The following PCNX4 variants were observed in gnomAD, a reference collection of about 807,000 sequenced individuals.
PCNX4 encodes pecanex 4.
Under a neutral mutation model 107.2 loss-of-function variants are expected in PCNX4, and 103 were observed. That is an observed-to-expected ratio of 0.96 (90% CI 0.82 to 1.13). PCNX4 has a LOEUF of 1.13. Among genes scored for constraint, PCNX4 ranks in the 50% most tolerant of loss-of-function variants. The pLI is 0.00. For missense variants in PCNX4, 1,528 were observed against 1,379.4 expected, an observed-to-expected ratio of 1.11 and a Z score of -1.71; for synonymous variants, 541 against 481.7, an observed-to-expected ratio of 1.12 and a Z score of -1.61.
In PCNX4 at chr14:60,107,902, G is replaced by C. The variant is rs769192496; in HGVS notation, c.264G>C (p.Gln88His). ...GLMLFTAFVIQFTSLYAKNKS... is the reference protein window; with the variant it reads ...GLMLFTAFVIHFTSLYAKNKS... ...TGCTTTTTACTGCATTTGTCATCCA[G>C]TTCACAAGTTTATACGCCAAAAACA... Residue 88 changes from glutamine (Q) to histidine (H), a missense_variant, in exon 2 of 11, where the codon CAG becomes CAC. Coordinates refer to ENST00000406854, the MANE Select transcript of PCNX4 (RefSeq NM_001330177.2). 10 of 1,612,848 alleles carry C rather than the reference G, an allele frequency of 6.2e-6. No homozygotes were observed. The South Asian group carries it at 1.1e-4, about 18-fold the overall frequency.
intron 10 of PCNX4, among the ~76,000 whole-genome samples, chr14:60,128,587 T>C (rs1329888884): frequency 6.6e-6 from 1 of 152,108 alleles, no homozygotes; most frequent in Non-Finnish European, 1.5e-5. Flanking sequence ...TTACAAGAAA[T>C]ACTAGAGTTC....
chr14:60,092,922 G>A (rs1895334931), intron 1 of PCNX4, among the ~76,000 whole-genome samples: 1 of 152,158 alleles, frequency 6.6e-6, no homozygotes, highest in African/African-American at 2.4e-5. Flanking sequence ...TATCTGCTCT[G>A]TATCCATCAT....
chr14:60,121,235 A>G lies in PCNX4; in HGVS notation c.1982A>G (p.Gln661Arg), dbSNP rs150511705. Residue 661 changes from glutamine (Q) to arginine (R), a missense_variant, in exon 8 of 11, where the codon CAG (glutamine) becomes CGG (arginine). Gln to Arg is a conservative substitution (Grantham distance 43). Coordinates refer to ENST00000406854, the MANE Select transcript of PCNX4 (RefSeq NM_001330177.2). ...LPGSHYLGRF[Q>R]DRLMWIMILE... Reference sequence around the variant, plus strand: ...GGATCTCATTACTTGGGCCGTTTTCAGGATCGTTTAATGTGGATAATGATT... The same window carrying G: ...GGATCTCATTACTTGGGCCGTTTTCGGGATCGTTTAATGTGGATAATGATT... 1.1e-3 allele frequency: 1,772 copies of G among 1,596,750 alleles called. 5 individuals carry two copies. The highest frequency in any genetic ancestry group is 1.4e-3 in the Non-Finnish European group (1,592 of 1,174,442).
chr14:60,130,603 C>A (rs1242992890), intron 10 of PCNX4, among the ~76,000 whole-genome samples: 1 of 152,032 alleles, frequency 6.6e-6, no homozygotes, highest in Non-Finnish European at 1.5e-5. Context: ...TTTATGTACG[C>A]CCCGAATTTA....
rs1220728886 is a variant in PCNX4, at chr14:60,107,682, T to A, written c.44T>A (p.Phe15Tyr). 1 of 1,612,848 alleles carries A rather than the reference T, an allele frequency of 6.2e-7. No individual in the cohort carries two copies. Among genetic ancestry groups the A allele is most frequent in the African/African-American group, 1.3e-5 (1 of 75,042 alleles). ...CTACTGAATGATTACAAGCAGGACT[T>A]CTTTCTGAAGCGCTTTCCACAGACT... is the stretch of plus-strand genomic sequence containing the variant. The part of the protein sequence containing the change: ...VPLLNDYKQD[F>Y]FLKRFPQTVL... The change falls in exon 2 of 11, where the codon TTC becomes TAC. Residue 15 changes from phenylalanine (F) to tyrosine (Y), a missense_variant. Transcript: ENST00000406854.
intron 1 of PCNX4, among the ~76,000 whole-genome samples, chr14:60,093,193 A>G (rs962498480): frequency 1.3e-5 from 2 of 152,220 alleles, no homozygotes; most frequent in Non-Finnish European, 2.9e-5. Flanking sequence ...AATACCAATC[A>G]GGGAAGCTTT....
intron 8 of PCNX4, among the ~76,000 whole-genome samples, chr14:60,122,084 C>T (rs532417097): frequency 2.6e-5 from 4 of 152,246 alleles, no homozygotes; most frequent in Admixed American, 6.5e-5. Context: ...TATACTCCCA[C>T]GCCCAGTCCG....
Position 60,121,302 on chromosome 14 carries a change from C to A in PCNX4, c.2046+3C>A. On this transcript the variant is annotated splice_donor_region_variant and intron_variant, in intron 8 of 10. Transcript: ENST00000406854. ...CTTACTGCTCTATTAACATTAAGGTCAGTGTGCATATAAAACATCTGTAGT... is the reference window on the plus strand; with the variant it reads ...CTTACTGCTCTATTAACATTAAGGTAAGTGTGCATATAAAACATCTGTAGT... 6.2e-7 allele frequency: 1 copy of A among 1,604,432 alleles called. No homozygotes were observed. Among genetic ancestry groups the A allele is most frequent in the South Asian group, 1.1e-5 (1 of 89,428 alleles).
rs1381569989 is a variant in PCNX4, at chr14:60,147,229, T to TGTCTC, written c.*13009_*13013dup. ...CAGCCTGGGTGACAGGGCGAGACCC[T>TGTCTC]GTCTCAAAGAAAAAAAATGGTAGAT... On this transcript the variant is annotated 3_prime_UTR_variant, in exon 11 of 11. Transcript: ENST00000406854. The TGTCTC allele has an allele frequency of 2.0e-5, 3 of 152,082 alleles. No individual in the cohort carries two copies. The East Asian group carries it at 5.8e-4, about 29-fold the overall frequency. 9.4% of individuals were successfully genotyped at this position (152,082 alleles called of 1,614,324 possible).
chr14:60,125,363 C>A, intron 9 of PCNX4, 112 bp downstream of exon 9: 2 of 1,152,196 alleles, frequency 1.7e-6, no homozygotes, highest in Non-Finnish European at 2.3e-6. Flanking sequence ...AATTTACTTT[C>A]TTCAAAATGA....
Position 60,143,338 on chromosome 14 carries a change from C to A in PCNX4, c.*9117C>A, listed in dbSNP as rs1366063235. On this transcript the variant is annotated 3_prime_UTR_variant, in exon 11 of 11. Transcript: ENST00000406854. ...CATTCTAGAATTATTCCAATCTTTT[C>A]ATTCTTATAATTGGTGTGTTGTATT... The A allele has an allele frequency of 1.3e-5, 2 of 152,164 alleles. No homozygotes were observed. The allele number at this position is 152,164 out of a possible 1,614,324, so 9.4% of individuals were successfully genotyped here. A position where few individuals can be genotyped will look rare whatever the true frequency, so the allele number is the denominator to read the frequency against.
chr14:60,128,988 G>A (rs1045607295), intron 10 of PCNX4, among the ~76,000 whole-genome samples: 7 of 152,020 alleles, frequency 4.6e-5, no homozygotes, highest in East Asian at 1.9e-4. Flanking sequence ...CGCGGCAGGC[G>A]GATCACCTGA....
intron 2 of PCNX4, among the ~76,000 whole-genome samples, chr14:60,111,335 A>T (rs576542629): frequency 6.6e-6 from 1 of 152,344 alleles, no homozygotes; most frequent in South Asian, 2.1e-4. Flanking sequence ...TGTAATGCCC[A>T]TGTAATTCTT....
At chr14:60,125,292 A>G (rs756581339) in intron 9 of PCNX4, 41 bp downstream of exon 9, 41 of 1,438,120 alleles carry the variant, frequency 2.9e-5, no homozygotes, top group Non-Finnish European at 3.7e-5. Context: ...ACATTGTTGG[A>G]AAAATACTGA....
At position 60,095,834 on chromosome 14, in the gene PCNX4, G is replaced by GA. The variant is rs1187596481; in HGVS notation, c.-54+3424dup. On this transcript the variant is annotated intron_variant, in intron 1 of 10. Transcript: ENST00000406854. Reference sequence around the variant, plus strand: ...AGAGGAAAGAAGTAAAAAAGGAAAGGAAAAAAAAAGAAAAAATATATAGGG... The same window carrying GA: ...AGAGGAAAGAAGTAAAAAAGGAAAGGAAAAAAAAAAGAAAAAATATATAGGG... Among the ~76,000 whole-genome samples the GA allele has an allele frequency of 8.7e-5, 13 of 148,728 alleles. No individual in the cohort carries two copies. The East Asian group carries it at 9.8e-4, about 11-fold the overall frequency.
chr14:60,121,760 C>T (rs1471928472), intron 8 of PCNX4, among the ~76,000 whole-genome samples: 2 of 152,078 alleles, frequency 1.3e-5, no homozygotes, highest in African/African-American at 4.8e-5. Context: ...CTATCTTCAA[C>T]TTACTCTAGG....
At position 60,115,031 on chromosome 14, in the gene PCNX4, A is replaced by T. The variant is rs897715694; in HGVS notation, c.927A>T (p.Pro309=). 1.2e-5 allele frequency: 20 copies of T among 1,613,302 alleles called. No homozygotes were observed. The East Asian group carries it at 4.2e-4, about 34-fold the overall frequency. ...AGTAIASYFI[P]STVGVVLFMT... ...CAGCTATAGCATCATATTTCATTCC[A>T]AGCACTGTTGGTGTGGTTCTTTTCA... The change falls in exon 4 of 11, where the codon CCA becomes CCT. Residue 309 remains proline (P), a synonymous_variant. Coordinates refer to ENST00000406854, the MANE Select transcript of PCNX4 (RefSeq NM_001330177.2).
intron 10 of PCNX4, among the ~76,000 whole-genome samples, chr14:60,132,472 A>T (rs939228138): frequency 6.6e-6 from 1 of 152,216 alleles, no homozygotes; most frequent in African/African-American, 2.4e-5. Flanking sequence ...TCAAAAATAC[A>T]TCAAAGACCT....
intron 1 of PCNX4, among the ~76,000 whole-genome samples, chr14:60,097,570 T>C (rs968403879): frequency 1.3e-5 from 2 of 152,224 alleles, no homozygotes; most frequent in Non-Finnish European, 2.9e-5. Flanking sequence ...TCCAAACATG[T>C]GCCTCTGCCT....
Sources: gnomAD v4.1 joint callset for allele counts (sites outside exome capture counted in the v4.1 genomes callset) on GRCh38, gnomAD v4.1.1 for gene constraint, MANE v1.5 for transcripts, NCBI Gene and HGNC (gene_info 2026-07-23, HGNC 2026-07-21) for gene names.